The following XIRP2 variants were observed in gnomAD, a reference collection of about 807,000 sequenced individuals.
XIRP2 encodes the protein xin actin binding repeat containing 2.
XIRP2 carries 236 observed loss-of-function variants against 277.0 expected under a neutral mutation model. The ratio of observed to expected loss-of-function variants is 0.85; its 90% CI spans 0.77 to 0.95. The LOEUF is 0.95. Ranked by LOEUF, XIRP2 falls within the 40% of genes least tolerant of loss-of-function variation. XIRP2 has a pLI of 0.00. For missense variants in XIRP2, 4,640 were observed against 4,157.5 expected (o/e 1.12, Z -3.19); for synonymous variants, 1,490 against 1,416.5 (o/e 1.05, Z -1.17).
At chr2:167,042,528 A>G (rs891516951) in intron 2 of XIRP2, among the ~76,000 whole-genome samples, 10 of 152,044 alleles carry the variant, frequency 6.6e-5, no homozygotes, top group African/African-American at 1.9e-4. Context: ...AAACGAACGA[A>G]CAAACAAAAA....
intron 5 of XIRP2, among the ~76,000 whole-genome samples, chr2:167,225,742 A>G (rs970566543): frequency 3.3e-5 from 5 of 152,178 alleles, no homozygotes; most frequent in African/African-American, 1.2e-4. Flanking sequence ...TAGACAGATT[A>G]GATTCAGCAG....
At chr2:167,057,499 A>C (rs989426547) in intron 2 of XIRP2, among the ~76,000 whole-genome samples, 1 of 152,212 alleles carries the variant, frequency 6.6e-6, no homozygotes, top group African/African-American at 2.4e-5. Context: ...TTACACATGC[A>C]CCTTAACACA....
chr2:166,902,509 A>C (rs1232118747), intron 1 of XIRP2, among the ~76,000 whole-genome samples: 2 of 152,052 alleles, frequency 1.3e-5, no homozygotes, highest in Non-Finnish European at 2.9e-5. Context: ...GATCCTTCAA[A>C]AACAAAATTT....
chr2:167,178,128 T>C (rs1692904643), intron 3 of XIRP2, among the ~76,000 whole-genome samples: 1 of 152,046 alleles, frequency 6.6e-6, no homozygotes, highest in Admixed American at 6.6e-5. Flanking sequence ...ATACATGTTA[T>C]TTGTACATGT....
rs761807020 is a variant in XIRP2 at position 167,245,437 on chromosome 2, G to A, written c.4045G>A (p.Gly1349Arg). The A allele has an allele frequency of 1.7e-5, 27 of 1,613,430 alleles. No individual in the cohort carries two copies. Among genetic ancestry groups the A allele is most frequent in the Middle Eastern group, 3.3e-4 (2 of 6,078 alleles). The change falls in exon 9 of 11, where the codon GGA becomes AGA. Residue 1349 changes from glycine to arginine, a missense_variant. By Grantham distance (125) the Gly-to-Arg change is moderately radical. Transcript: ENST00000409195. ...KEEVIHGDVR[G>R]TRWLFETKPL... ...AGAGGTAATTCATGGAGATGTGCGA[G>A]GAACAAGGTGGCTTTTTGAAACAAA...
chr2:167,051,702 G>A (rs989325102), intron 2 of XIRP2, among the ~76,000 whole-genome samples: 4 of 151,870 alleles, frequency 2.6e-5, no homozygotes, highest in Admixed American at 1.3e-4. Flanking sequence ...TACCTTTTTG[G>A]TCTAAGTATC....
chr2:167,096,247 G>T (rs1690314864), intron 2 of XIRP2, among the ~76,000 whole-genome samples: 1 of 151,936 alleles, frequency 6.6e-6, no homozygotes, highest in African/African-American at 2.4e-5. Flanking sequence ...GTCTATTCAG[G>T]GATTTGACTT....
chr2:166,899,935 T>C (rs1428376742), intron 1 of XIRP2, among the ~76,000 whole-genome samples: 2 of 152,088 alleles, frequency 1.3e-5, no homozygotes, highest in Non-Finnish European at 1.5e-5. Context: ...CCTTCTACAA[T>C]TGGAATAAAA....
chr2:167,198,134 G>A lies in XIRP2; in HGVS notation c.563-12601G>A, dbSNP rs181113943. Among the ~76,000 whole-genome samples the A allele has an allele frequency of 2.4e-3, 364 of 152,250 alleles. 2 individuals carry two copies. Among genetic ancestry groups the A allele is most frequent in the African/African-American group, 8.4e-3 (349 of 41,538 alleles). On this transcript the variant is annotated intron_variant, in intron 3 of 10. Transcript: ENST00000409195. ...GATACTGACTAATTATACACTCCAT[G>A]TGTATCATAAGCAAGGAAGACTATT...
At chr2:166,891,028 G>T (rs1310422745) in intron 1 of XIRP2, among the ~76,000 whole-genome samples, 1 of 152,048 alleles carries the variant, frequency 6.6e-6, no homozygotes, top group Non-Finnish European at 1.5e-5. Context: ...TGAGAGATTT[G>T]GTGTCTTGTA....
intron 2 of XIRP2, among the ~76,000 whole-genome samples, chr2:167,129,683 C>T (rs896744843): frequency 2.0e-5 from 3 of 151,972 alleles, no homozygotes; most frequent in African/African-American, 7.2e-5. Context: ...ACAGCCTGAA[C>T]AACATGGAGA....
intron 2 of XIRP2, among the ~76,000 whole-genome samples, chr2:167,032,553 G>A (rs1175682342): frequency 6.6e-6 from 1 of 152,020 alleles, no homozygotes. Context: ...GTATCCATCT[G>A]ACAAAGGGCT....
chr2:167,124,893 A>G (rs1691155487), intron 2 of XIRP2, among the ~76,000 whole-genome samples: 1 of 152,180 alleles, frequency 6.6e-6, no homozygotes, highest in Admixed American at 6.6e-5. Context: ...CCCTTTGGGA[A>G]TAGCCAGAAG....
intron 2 of XIRP2, among the ~76,000 whole-genome samples, chr2:167,015,489 G>T (rs1218438764): frequency 2.0e-5 from 3 of 150,754 alleles, no homozygotes; most frequent in Non-Finnish European, 3.0e-5. Context: ...CATTCTATGG[G>T]ATGTAGGTTT....
chr2:167,026,758 T>G (rs995590958), intron 2 of XIRP2, among the ~76,000 whole-genome samples: 3 of 152,114 alleles, frequency 2.0e-5, no homozygotes, highest in Non-Finnish European at 2.9e-5. Flanking sequence ...AAAATTCTTT[T>G]CTTTAAGAAT....
At chr2:167,153,775 A>G (rs1291474701) in intron 3 of XIRP2, among the ~76,000 whole-genome samples, 1 of 151,114 alleles carries the variant, frequency 6.6e-6, no homozygotes, top group Non-Finnish European at 1.5e-5. Flanking sequence ...TCCATGGTGT[A>G]TATGTGCCAC....
chr2:166,954,643 C>T (rs1282973798), intron 2 of XIRP2, among the ~76,000 whole-genome samples: 1 of 151,874 alleles, frequency 6.6e-6, no homozygotes, highest in Non-Finnish European at 1.5e-5. Context: ...GCATTATTCA[C>T]AATAGCAAAG....
At chr2:167,210,706 A>G (rs1693998332) in intron 3 of XIRP2, 29 bp from the exon 4 acceptor site, 10 of 1,611,134 alleles carry the variant, frequency 6.2e-6, no homozygotes, top group Non-Finnish European at 7.6e-6. Flanking sequence ...CTTAACACAC[A>G]TGTGTAAGCA....
At chr2:167,223,268 G>C (rs1024313697) in intron 5 of XIRP2, among the ~76,000 whole-genome samples, 6 of 152,098 alleles carry the variant, frequency 3.9e-5, no homozygotes, top group Non-Finnish European at 8.8e-5. Context: ...AAAAATTTTG[G>C]AAGTAATAAG....
Sources: gnomAD v4.1 joint callset for allele counts (sites outside exome capture counted in the v4.1 genomes callset) on GRCh38, gnomAD v4.1.1 for gene constraint, MANE v1.5 for transcripts, NCBI Gene and HGNC (gene_info 2026-07-23, HGNC 2026-07-21) for gene names.